Variants in CALD1 observed in about 807,000 individuals in gnomAD.
CALD1 encodes caldesmon.
CALD1 carries 33 observed loss-of-function variants against 99.9 expected under a neutral mutation model. That is an observed-to-expected ratio of 0.33 (90% CI 0.25 to 0.44). The LOEUF is 0.44. CALD1 is among the 20% of genes least tolerant of loss of function. The pLI is 1.00. For synonymous variants in CALD1, 310 were observed against 325.0 expected (o/e 0.95, Z 0.50); for missense variants, 861 against 962.1 (o/e 0.89, Z 1.39).
At chr7:134,871,716 G>T (rs1428165004) in intron 3 of CALD1, among the ~76,000 whole-genome samples, 1 of 152,002 alleles carries the variant, frequency 6.6e-6, no homozygotes, top group Non-Finnish European at 1.5e-5. Flanking sequence ...ACCCATAAAA[G>T]CTTTTCAAAT....
In CALD1 at chr7:134,934,084, T is replaced by C. The variant is rs1431398778; in HGVS notation, c.1308+7T>C. On this transcript the variant is annotated splice_region_variant and intron_variant, in intron 5 of 14. Coordinates refer to ENST00000361675, the MANE Select transcript of CALD1 (RefSeq NM_033138.4). ...AGCTGTCCTAAAGAAACAGGTACAG[T>C]AAACATTTTGCACCAAATGTGTGAT... The C allele has an allele frequency of 6.3e-7, 1 of 1,597,234 alleles. No individual in the cohort carries two copies. The highest frequency in any genetic ancestry group is 1.1e-5 in the South Asian group (1 of 88,010).
chr7:134,918,458 G>A (rs1804373973), intron 3 of CALD1, among the ~76,000 whole-genome samples: 1 of 152,192 alleles, frequency 6.6e-6, no homozygotes, highest in Non-Finnish European at 1.5e-5. Context: ...GTATTGTTAT[G>A]CATAGTTTAT....
At chr7:134,754,236 T>C (rs2131573563) in intron 1 of CALD1, among the ~76,000 whole-genome samples, 1 of 152,264 alleles carries the variant, frequency 6.6e-6, no homozygotes, top group South Asian at 2.1e-4. Flanking sequence ...AAGGAGAGAC[T>C]TTATAAAGAG....
chr7:134,878,251 A>G (rs530149072), intron 3 of CALD1, among the ~76,000 whole-genome samples: 2 of 152,176 alleles, frequency 1.3e-5, no homozygotes, highest in Non-Finnish European at 2.9e-5. Flanking sequence ...CTTCCCTGAG[A>G]GGGCAAGAAG....
intron 3 of CALD1, among the ~76,000 whole-genome samples, chr7:134,910,961 A>G (rs569070476): frequency 1.1e-4 from 16 of 152,300 alleles, no homozygotes; most frequent in Non-Finnish European, 2.1e-4. Flanking sequence ...TGCACCAAGA[A>G]CCTACCTAAG....
chr7:134,918,072 G>T (rs1804345706), intron 3 of CALD1, among the ~76,000 whole-genome samples: 1 of 152,194 alleles, frequency 6.6e-6, no homozygotes, highest in East Asian at 1.9e-4. Flanking sequence ...CCTGTTTGTG[G>T]CAAGATGAAT....
intron 1 of CALD1, among the ~76,000 whole-genome samples, chr7:134,766,997 A>T (rs978826712): frequency 6.6e-6 from 1 of 152,198 alleles, no homozygotes; most frequent in African/African-American, 2.4e-5. Flanking sequence ...AGAGTCAGTC[A>T]AAGGTATTTT....
chr7:134,920,556 G>T, intron 3 of CALD1: 1 of 1,266,150 alleles, frequency 7.9e-7, no homozygotes. Context: ...GCAGAAAGCT[G>T]GGGACAGAAT....
At chr7:134,948,223 C>T (rs1563124390) in intron 8 of CALD1, 2 of 142,062 alleles carry the variant, frequency 1.4e-5, no homozygotes, top group Non-Finnish European at 3.0e-5. Context: ...TTTTTTAAAT[C>T]TTTTTTTTTT....
chr7:134,948,682 A>T (rs1807104802), intron 8 of CALD1, among the ~76,000 whole-genome samples: 1 of 152,322 alleles, frequency 6.6e-6, no homozygotes, highest in Non-Finnish European at 1.5e-5. Flanking sequence ...ATATGAAGAA[A>T]AAAAAAGACT....
chr7:134,720,123 G>A, the CALD1 span, among the ~76,000 whole-genome samples: 1 of 150,404 alleles, frequency 6.6e-6, no homozygotes, highest in Non-Finnish European at 1.5e-5. Context: ...CTCACCCTTT[G>A]TTCACCAGTA....
chr7:134,902,255 G>C (rs1586252635), intron 3 of CALD1, among the ~76,000 whole-genome samples: 1 of 152,136 alleles, frequency 6.6e-6, no homozygotes, highest in Non-Finnish European at 1.5e-5. Flanking sequence ...AAGGCAACCA[G>C]GAAGTGTGTG....
rs1287777599 is a variant in CALD1 at position 134,830,081 on chromosome 7, A to C, written c.-129-13803A>C. Among the ~76,000 whole-genome samples the C allele has an allele frequency of 4.6e-5, 7 of 152,198 alleles. No individual in the cohort carries two copies. In the East Asian group the frequency reaches 1.4e-3, roughly 29 times the overall value. On this transcript the variant is annotated intron_variant, in intron 1 of 14. Transcript: ENST00000361675. ...ATTCTGTCCTGTTTGCTGAGGAAAA[A>C]AAAAAGGGGCCAGGGAGTAGTGGTG...
At chr7:134,805,781 A>C (rs1254677318) in intron 1 of CALD1, among the ~76,000 whole-genome samples, 1 of 151,912 alleles carries the variant, frequency 6.6e-6, no homozygotes, top group Admixed American at 6.6e-5. Flanking sequence ...TTATCCAAAG[A>C]TTTTCTTTTT....
the CALD1 span, among the ~76,000 whole-genome samples, chr7:134,717,789 T>C: frequency 1.3e-5 from 2 of 152,236 alleles, no homozygotes; most frequent in East Asian, 3.8e-4. Context: ...CAGGATTTTT[T>C]TGTGTGTGCC....
At chr7:134,775,603 C>G (rs1244509533), upstream of CALD1, among the ~76,000 whole-genome samples, 2 of 151,690 alleles carry the variant, frequency 1.3e-5, no homozygotes, top group African/African-American at 4.9e-5. Context: ...CCCAGCTACT[C>G]GGGAGGCTGA....
intron 1 of CALD1, among the ~76,000 whole-genome samples, chr7:134,766,141 CTTTTTTTTTTTTT>C (rs71172475): frequency 4.2e-5 from 3 of 70,804 alleles, no homozygotes; most frequent in Middle Eastern, 0.016. Flanking sequence ...CTTTTCTTTT[CTTTTTTTTTTTTT>C]TTTTTTTTTT....
At chr7:134,908,824 T>G (rs1294469454) in intron 3 of CALD1, among the ~76,000 whole-genome samples, 1 of 152,110 alleles carries the variant, frequency 6.6e-6, no homozygotes, top group Non-Finnish European at 1.5e-5. Context: ...ACTATATATA[T>G]ATATATATGA....
chr7:134,742,315 A>G (rs1471059283), upstream of CALD1, among the ~76,000 whole-genome samples: 2 of 152,248 alleles, frequency 1.3e-5, no homozygotes, highest in East Asian at 3.8e-4. Context: ...AGTAACGATG[A>G]AAATGGAAAT....
Sources: allele counts gnomAD v4.1 joint callset (sites outside exome capture counted in the v4.1 genomes callset), GRCh38; gene constraint gnomAD v4.1.1; transcripts MANE v1.5; gene names NCBI Gene and HGNC (gene_info 2026-07-23, HGNC 2026-07-21).